LRP1B: variants seen among roughly 807,000 people sequenced by gnomAD.
LRP1B encodes the protein low-density lipoprotein receptor-related protein 1B.
In LRP1B, 217 loss-of-function variants were observed where a neutral mutation model predicts 556.6. The ratio of observed to expected loss-of-function variants is 0.39; its 90% CI spans 0.35 to 0.44. The LOEUF is 0.44. Ranked by LOEUF, LRP1B falls within the 20% of genes least tolerant of loss-of-function variation. LRP1B has a pLI of 1.00. For missense variants in LRP1B, 5,053 were observed against 5,620.8 expected (o/e 0.90, Z 3.23); for synonymous variants, 2,047 against 1,865.8 (o/e 1.10, Z -2.50).
chr2:141,316,870 G>A lies in LRP1B; in HGVS notation c.344-62229C>T, dbSNP rs1428974741. Among the ~76,000 whole-genome samples the A allele has an allele frequency of 2.0e-4, 30 of 152,182 alleles. 1 individual carries two copies. Among genetic ancestry groups the A allele is most frequent in the Admixed American group, 2.0e-4 (3 of 15,280 alleles). On this transcript the variant is annotated intron_variant, in intron 3 of 90. Transcript: ENST00000389484. ...TTCATTGCATTCCTAGGAAAACAGA[G>A]TTCACAGTTAAGTACTAGCCAGTTT...
intron 1 of LRP1B, among the ~76,000 whole-genome samples, chr2:142,074,053 C>A (rs763230561): frequency 1.8e-4 from 27 of 152,040 alleles, no homozygotes; most frequent in Non-Finnish European, 3.4e-4. Context: ...TATACCATCT[C>A]TTTTCTTCAT....
intron 66 of LRP1B, among the ~76,000 whole-genome samples, chr2:140,440,361 T>G (rs745587923): frequency 6.6e-6 from 1 of 152,144 alleles, no homozygotes; most frequent in Non-Finnish European, 1.5e-5. Context: ...ACATGTGAAA[T>G]AGTGAAACAC....
chr2:141,669,428 C>G (rs1690577199), intron 2 of LRP1B, among the ~76,000 whole-genome samples: 1 of 152,050 alleles, frequency 6.6e-6, no homozygotes, highest in Admixed American at 6.5e-5. Flanking sequence ...GACTATGGTG[C>G]TTTGTTATGG....
intron 66 of LRP1B, among the ~76,000 whole-genome samples, chr2:140,430,646 C>T (rs1198835897): frequency 6.6e-6 from 1 of 152,204 alleles, no homozygotes; most frequent in Non-Finnish European, 1.5e-5. Context: ...CCACACAAGG[C>T]AAATGGTTCT....
chr2:140,327,417 G>A (rs1272057936), intron 79 of LRP1B, among the ~76,000 whole-genome samples: 1 of 152,036 alleles, frequency 6.6e-6, no homozygotes, highest in Non-Finnish European at 1.5e-5. Context: ...TAAGCAAGTG[G>A]TCATTGTTTT....
At chr2:141,805,925 G>T (rs899509572) in intron 2 of LRP1B, among the ~76,000 whole-genome samples, 4 of 151,964 alleles carry the variant, frequency 2.6e-5, no homozygotes, top group Non-Finnish European at 5.9e-5. Context: ...CTCCTTTGTT[G>T]GTCAATGAGT....
intron 2 of LRP1B, among the ~76,000 whole-genome samples, chr2:141,582,068 T>A (rs1219906562): frequency 6.6e-6 from 1 of 152,198 alleles, no homozygotes; most frequent in African/African-American, 2.4e-5. Context: ...CCTAAGGGAA[T>A]CTCTAAAAAT....
rs189861752 is a variant in LRP1B at position 140,293,871 on chromosome 2, A to G, written c.12967+3937T>C. ...ATAATATTACTACTTCGGGACCTTG[A>G]GCAAGTTATTTAACCTCTGTCTAAG... On this transcript the variant is annotated intron_variant, in intron 84 of 90. Transcript: ENST00000389484. Among the ~76,000 whole-genome samples the G allele has an allele frequency of 5.2e-4, 79 of 152,304 alleles. 1 individual carries two copies. The highest frequency in any genetic ancestry group is 1.8e-3 in the African/African-American group (75 of 41,562).
chr2:140,857,042 T>C (rs1241713410), intron 27 of LRP1B, among the ~76,000 whole-genome samples: 1 of 152,146 alleles, frequency 6.6e-6, no homozygotes, highest in African/African-American at 2.4e-5. Context: ...AGAAAAATAA[T>C]ATCATTAAAT....
At chr2:141,103,535 T>TCTCTCTCTCTCTCTCTCTC (rs1553460368) in intron 7 of LRP1B, among the ~76,000 whole-genome samples, 2 of 151,884 alleles carry the variant, frequency 1.3e-5, no homozygotes, top group Non-Finnish European at 2.9e-5. Context: ...TCTCTCTCTC[T>TCTCTCTCTCTCTCTCTCTC]TAAAAAGTTC....
intron 6 of LRP1B, among the ~76,000 whole-genome samples, chr2:141,214,743 A>G (rs751451004): frequency 3.9e-4 from 60 of 152,314 alleles, no homozygotes; most frequent in African/African-American, 4.3e-4. Context: ...TTATAGGTGC[A>G]TATCATGGGA....
intron 2 of LRP1B, among the ~76,000 whole-genome samples, chr2:141,574,396 C>G (rs375519015): frequency 6.6e-6 from 1 of 151,988 alleles, no homozygotes; most frequent in Non-Finnish European, 1.5e-5. Flanking sequence ...ATCCAACATC[C>G]CTTCATGTTA....
chr2:141,098,998 C>T (rs1278597939), intron 7 of LRP1B, among the ~76,000 whole-genome samples: 5 of 152,090 alleles, frequency 3.3e-5, no homozygotes, highest in Non-Finnish European at 2.9e-5. Context: ...AGTTCCAAAA[C>T]ATTCAAAGGC....
intron 35 of LRP1B, among the ~76,000 whole-genome samples, chr2:140,760,386 A>C (rs1158581365): frequency 1.3e-5 from 2 of 152,090 alleles, no homozygotes; most frequent in African/African-American, 4.8e-5. Flanking sequence ...GACAACTAAC[A>C]ATGTTTCCAG....
chr2:140,878,420 A>G (rs976480529), intron 25 of LRP1B, among the ~76,000 whole-genome samples: 1 of 152,176 alleles, frequency 6.6e-6, no homozygotes, highest in Non-Finnish European at 1.5e-5. Flanking sequence ...AAATAATACA[A>G]TATGTTGCCA....
chr2:141,057,618 T>G (rs1056874160), intron 9 of LRP1B, among the ~76,000 whole-genome samples: 2 of 149,876 alleles, frequency 1.3e-5, no homozygotes. Context: ...AAAAGGGGGG[T>G]TTTCCTGCAC....
intron 1 of LRP1B, among the ~76,000 whole-genome samples, chr2:141,846,762 A>G (rs890894258): frequency 2.0e-5 from 3 of 151,456 alleles, no homozygotes; most frequent in Non-Finnish European, 4.4e-5. Context: ...AATGACACAA[A>G]AAACATAGGA....
intron 2 of LRP1B, among the ~76,000 whole-genome samples, chr2:141,598,217 A>C (rs1298479325): frequency 6.6e-6 from 1 of 152,092 alleles, no homozygotes; most frequent in Non-Finnish European, 1.5e-5. Context: ...AATATTATTC[A>C]TCTTGAATAC....
At chr2:141,845,403 GTTTA>G (rs927687306) in intron 1 of LRP1B, among the ~76,000 whole-genome samples, 1 of 151,978 alleles carries the variant, frequency 6.6e-6, no homozygotes, top group Non-Finnish European at 1.5e-5. Flanking sequence ...TACGTTTCCA[GTTTA>G]TTTAGGCAAA....
Sources: allele counts gnomAD v4.1 joint callset (sites outside exome capture counted in the v4.1 genomes callset), GRCh38; gene constraint gnomAD v4.1.1; transcripts MANE v1.5; gene names NCBI Gene and HGNC (gene_info 2026-07-23, HGNC 2026-07-21).